The following ERC2 variants were observed in gnomAD, a reference collection of about 807,000 sequenced individuals.
ERC2 encodes the protein ERC protein 2.
Under a neutral mutation model 114.8 loss-of-function variants are expected in ERC2, and 42 were observed. The observed-to-expected ratio is 0.37, with a 90% confidence interval of 0.29 to 0.47. ERC2 has a LOEUF of 0.47. ERC2 is among the 20% of genes least tolerant of loss of function. The probability of loss-of-function intolerance (pLI) is 0.99; values close to 1 mark genes in which losing one functional copy is unlikely to be tolerated. For missense variants in ERC2, 939 were observed against 1,150.7 expected (o/e 0.82, Z 2.66); for synonymous variants, 454 against 425.5 (o/e 1.07, Z -0.82).
At chr3:55,927,699 T>C (rs1218265739) in intron 13 of ERC2, among the ~76,000 whole-genome samples, 1 of 152,208 alleles carries the variant, frequency 6.6e-6, no homozygotes, top group Non-Finnish European at 1.5e-5. Context: ...TTATTCATCC[T>C]ATCTAACTAT....
At chr3:56,308,255 A>G (rs1196717014) in intron 2 of ERC2, among the ~76,000 whole-genome samples, 1 of 152,214 alleles carries the variant, frequency 6.6e-6, no homozygotes, top group Non-Finnish European at 1.5e-5. Context: ...CCTCCAGCCA[A>G]TTCTACAGTC....
At chr3:56,337,688 G>A (rs1177345337) in intron 2 of ERC2, among the ~76,000 whole-genome samples, 1 of 152,116 alleles carries the variant, frequency 6.6e-6, no homozygotes, top group African/African-American at 2.4e-5. Flanking sequence ...AAATTTTGTG[G>A]CATATTGACT....
intron 13 of ERC2, among the ~76,000 whole-genome samples, chr3:55,930,129 C>T (rs1311345775): frequency 6.6e-6 from 1 of 152,158 alleles, no homozygotes; most frequent in Non-Finnish European, 1.5e-5. Context: ...ATCCCAGCCA[C>T]TTGGGAGGCT....
chr3:56,298,701 G>T (rs79801093), intron 2 of ERC2, among the ~76,000 whole-genome samples: 7 of 146,810 alleles, frequency 4.8e-5, no homozygotes, highest in African/African-American at 1.5e-4. Context: ...TTGCTGGGGG[G>T]TGTGGAGTAA....
chr3:56,176,901 G>C (rs554368644), intron 3 of ERC2, among the ~76,000 whole-genome samples: 1 of 152,314 alleles, frequency 6.6e-6, no homozygotes, highest in South Asian at 2.1e-4. Context: ...AATGTGGTTA[G>C]AAATGAGCAA....
At chr3:55,554,682 T>C (rs902570918) in intron 17 of ERC2, among the ~76,000 whole-genome samples, 1 of 152,238 alleles carries the variant, frequency 6.6e-6, no homozygotes, top group Non-Finnish European at 1.5e-5. Context: ...GAGTCCTCTC[T>C]GCTGCTTCCC....
intron 14 of ERC2, among the ~76,000 whole-genome samples, chr3:55,875,539 A>G (rs79470853): frequency 0.025 from 3,773 of 152,274 alleles, 66 homozygotes; most frequent in South Asian, 0.038. Flanking sequence ...ACTGGAACAC[A>G]AAAGACTTGT....
chr3:56,296,152 C>T lies in ERC2; in HGVS notation c.941G>A (p.Ser314Asn), dbSNP rs774979353. 6.2e-7 allele frequency: 1 copy of T among 1,614,022 alleles called. No homozygotes were observed. Among genetic ancestry groups the T allele is most frequent in the Admixed American group, 1.7e-5 (1 of 60,026 alleles). ...SIKKLLEMLQ[S>N]KGLPSKSLED... is the part of the protein sequence containing the mutation. ...CAGGCTTTTGGATGGCAAGCCTTTACTTTGCAACATCTCAAGAAGTTTTTT... is the reference window on the plus strand; with the variant it reads ...CAGGCTTTTGGATGGCAAGCCTTTATTTTGCAACATCTCAAGAAGTTTTTT... Residue 314 changes from serine to asparagine, a missense_variant, in exon 3 of 18, where the codon AGT becomes AAT. Physicochemically the swap from Ser to Asn is conservative, Grantham distance 46 (BLOSUM62 1). This residue lies in a region of ERC2 where 148 missense variants were observed against 159.1 expected (regional missense o/e 0.93). Transcript: ENST00000288221.
At chr3:56,303,802 G>A (rs1198909779) in intron 2 of ERC2, among the ~76,000 whole-genome samples, 1 of 152,164 alleles carries the variant, frequency 6.6e-6, no homozygotes, top group Non-Finnish European at 1.5e-5. Flanking sequence ...GCCCCCTGGC[G>A]CCTAACAGAT....
intron 17 of ERC2, among the ~76,000 whole-genome samples, chr3:55,526,190 G>A (rs1478162154): frequency 6.6e-6 from 1 of 152,096 alleles, no homozygotes; most frequent in East Asian, 1.9e-4. Context: ...GGCAAGGAAG[G>A]GTCTCCCCTA....
At chr3:56,404,183 A>G (rs1383388360) in intron 2 of ERC2, among the ~76,000 whole-genome samples, 1 of 152,250 alleles carries the variant, frequency 6.6e-6, no homozygotes, top group African/African-American at 2.4e-5. Context: ...TATTAGACCT[A>G]TGACAACATC....
At chr3:56,365,517 G>A (rs1419583285) in intron 2 of ERC2, among the ~76,000 whole-genome samples, 9 of 152,230 alleles carry the variant, frequency 5.9e-5, no homozygotes, top group Non-Finnish European at 8.8e-5. Flanking sequence ...ATGCATGGCT[G>A]CATTTGTTAT....
intron 2 of ERC2, among the ~76,000 whole-genome samples, chr3:56,303,247 G>A (rs1025604654): frequency 1.4e-4 from 22 of 152,242 alleles, no homozygotes; most frequent in Middle Eastern, 3.4e-3. Flanking sequence ...CTGATACTTG[G>A]CTTTTAACCC....
intron 13 of ERC2, among the ~76,000 whole-genome samples, chr3:55,926,410 G>GC (rs1553737407): frequency 2.2e-4 from 3 of 13,528 alleles, no homozygotes; most frequent in Non-Finnish European, 4.8e-4. Context: ...TTTGTTTTTT[G>GC]TTTTTAAAAA....
intron 15 of ERC2, among the ~76,000 whole-genome samples, chr3:55,720,597 T>C (rs1431885368): frequency 6.6e-6 from 1 of 152,056 alleles, no homozygotes; most frequent in Non-Finnish European, 1.5e-5. Context: ...CAGGGTTCTT[T>C]GAAGACAATG....
chr3:56,342,649 G>C (rs2058133265), intron 2 of ERC2, among the ~76,000 whole-genome samples: 1 of 152,206 alleles, frequency 6.6e-6, no homozygotes, highest in African/African-American at 2.4e-5. Flanking sequence ...CACTTCAGTA[G>C]GGAAGGAGAA....
At chr3:56,210,697 A>G (rs894787122) in intron 3 of ERC2, among the ~76,000 whole-genome samples, 7 of 152,210 alleles carry the variant, frequency 4.6e-5, no homozygotes, top group African/African-American at 1.4e-4. Flanking sequence ...CATCTTTCAG[A>G]TCTGCATGTT....
At chr3:56,073,332 G>T (rs1468624789) in intron 7 of ERC2, among the ~76,000 whole-genome samples, 1 of 152,106 alleles carries the variant, frequency 6.6e-6, no homozygotes, top group East Asian at 1.9e-4. Flanking sequence ...TTTATTGGGG[G>T]GCAGAGGTGT....
intron 17 of ERC2, among the ~76,000 whole-genome samples, chr3:55,604,640 G>C (rs1575736955): frequency 6.6e-6 from 1 of 152,174 alleles, no homozygotes; most frequent in Admixed American, 6.5e-5. Context: ...TTGTAGGCTT[G>C]AGCTAAGCAT....
Sources: gnomAD v4.1 joint callset for allele counts (sites outside exome capture counted in the v4.1 genomes callset) on GRCh38, gnomAD v4.1.1 for gene constraint, gnomAD v4.1.1 regional missense constraint, MANE v1.5 for transcripts, NCBI Gene and HGNC (gene_info 2026-07-23, HGNC 2026-07-21) for gene names.